Variants in UGT1A9 observed in about 807,000 individuals in gnomAD.
UGT1A9 encodes UDP-glucuronosyltransferase 1A9.
In UGT1A9, 35 loss-of-function variants were observed where a neutral mutation model predicts 45.0. The observed-to-expected ratio is 0.78, with a 90% CI of 0.59 to 1.03. UGT1A9 has a LOEUF of 1.03. Ranked by LOEUF, UGT1A9 falls within the 50% of genes least tolerant of loss-of-function variation. The pLI, the probability that UGT1A9 is intolerant of heterozygous loss-of-function variation, is 0.00. For missense variants in UGT1A9, 687 were observed against 666.6 expected (o/e 1.03, Z -0.34); for synonymous variants, 278 against 250.6 (o/e 1.11, Z -1.03).
chr2:233,714,370 A>C (rs778374945), intron 1 of UGT1A9, among the ~76,000 whole-genome samples: 6 of 152,228 alleles, frequency 3.9e-5, no homozygotes, highest in African/African-American at 9.6e-5. Context: ...AAGTTGACTC[A>C]GTTCAGTGGA....
intron 1 of UGT1A9, chr2:233,690,719 C>G: frequency 2.0e-5 from 24 of 1,214,918 alleles, no homozygotes; most frequent in Non-Finnish European, 2.5e-5. Context: ...TTATGACGAA[C>G]AGACATGCCA....
chr2:233,700,178 C>T (rs1315960228), intron 1 of UGT1A9, among the ~76,000 whole-genome samples: 1 of 152,190 alleles, frequency 6.6e-6, no homozygotes, highest in South Asian at 2.1e-4. Context: ...CTCATTCAGG[C>T]TGAAATCTCA....
chr2:233,686,882 T>A (rs1440121885), intron 1 of UGT1A9, among the ~76,000 whole-genome samples: 1 of 152,212 alleles, frequency 6.6e-6, no homozygotes, highest in Non-Finnish European at 1.5e-5. Context: ...TTTTTCTGCA[T>A]GATTCCTGCC....
intron 4 of UGT1A9, chr2:233,770,928 C>T (rs1253258024): frequency 6.6e-6 from 1 of 152,180 alleles, no homozygotes; most frequent in African/African-American, 2.4e-5. Context: ...GCTGACATCA[C>T]TTGGCTGCCG....
intron 1 of UGT1A9, chr2:233,760,350 C>T (rs1374994213): frequency 1.2e-6 from 2 of 1,613,944 alleles, no homozygotes; most frequent in African/African-American, 2.7e-5. Context: ...GTGTGCTGGG[C>T]CCAGTGGTGT....
intron 1 of UGT1A9, among the ~76,000 whole-genome samples, chr2:233,757,409 T>C (rs1456650401): frequency 6.6e-6 from 1 of 151,334 alleles, no homozygotes; most frequent in Non-Finnish European, 1.5e-5. Context: ...ATGCAGGGTC[T>C]AGAACGAAAA....
At chr2:233,755,114 G>A (rs761865052) in intron 1 of UGT1A9, 3 of 1,331,932 alleles carry the variant, frequency 2.3e-6, no homozygotes, top group South Asian at 2.3e-5. Context: ...ACACCTCGTA[G>A]GCCTCAGCCA....
At chr2:233,674,982 T>C (rs889252706) in intron 1 of UGT1A9, among the ~76,000 whole-genome samples, 2 of 152,226 alleles carry the variant, frequency 1.3e-5, no homozygotes, top group African/African-American at 4.8e-5. Context: ...GTCTGTGTCT[T>C]ATCTGTCTGA....
At chr2:233,760,266 C>T (rs778145749) in intron 1 of UGT1A9, 17 of 1,611,888 alleles carry the variant, frequency 1.1e-5, no homozygotes, top group Non-Finnish European at 1.4e-5. Context: ...GAGGGCGAAC[C>T]TCTGGCAGGA....
chr2:233,755,316 A>C, intron 1 of UGT1A9: 1 of 530,882 alleles, frequency 1.9e-6, no homozygotes, highest in Admixed American at 3.3e-5. Context: ...GCGAGCGGCA[A>C]GGCTGCCAGC....
chr2:233,740,221 TC>T (rs1691341111), intron 1 of UGT1A9, among the ~76,000 whole-genome samples: 1 of 151,864 alleles, frequency 6.6e-6, no homozygotes, highest in Non-Finnish European at 1.5e-5. Flanking sequence ...CTCAGCTGCG[TC>T]TTTATAGCAG....
At chr2:233,729,480 C>A in intron 1 of UGT1A9, 2 of 1,614,162 alleles carry the variant, frequency 1.2e-6, no homozygotes. Flanking sequence ...CAATGTTGAA[C>A]AATATGTCTT....
chr2:233,761,750 G>A (rs1428006312), intron 1 of UGT1A9, among the ~76,000 whole-genome samples: 1 of 152,244 alleles, frequency 6.6e-6, no homozygotes, highest in Non-Finnish European at 1.5e-5. Context: ...AGAGTTTGAA[G>A]TATGCAAAAA....
intron 1 of UGT1A9, among the ~76,000 whole-genome samples, chr2:233,746,138 G>C (rs1315448671): frequency 6.6e-6 from 1 of 151,886 alleles, no homozygotes; most frequent in African/African-American, 2.4e-5. Context: ...ACTGGCACCT[G>C]AGTGATAGCA....
At chr2:233,683,507 C>A (rs183620340) in intron 1 of UGT1A9, among the ~76,000 whole-genome samples, 95 of 152,102 alleles carry the variant, frequency 6.2e-4, no homozygotes, top group African/African-American at 2.2e-3. Flanking sequence ...AGGGTATCAT[C>A]CTATGAGTAT....
At chr2:233,705,822 G>A (rs1029113786) in intron 1 of UGT1A9, among the ~76,000 whole-genome samples, 1 of 152,156 alleles carries the variant, frequency 6.6e-6, no homozygotes, top group Admixed American at 6.6e-5. Context: ...ATTTCAGGCC[G>A]AGCACAGTGG....
chr2:233,718,828 G>C lies in UGT1A9; in HGVS notation c.855+46039G>C, dbSNP rs137930413. 3.0e-4 allele frequency: 479 copies of C among 1,613,554 alleles called. 1 individual carries two copies. Among genetic ancestry groups the C allele is most frequent in the Admixed American group, 4.7e-4 (28 of 60,022 alleles). ...TCGGTGGCTTCTGCTGAGATGGCCA[G>C]AGGACTCCAGGTTCCCCTGCCGCGG... On this transcript the variant is annotated intron_variant, in intron 1 of 4. Transcript: ENST00000354728.
chr2:233,724,246 C>T (rs1219453844), intron 1 of UGT1A9, among the ~76,000 whole-genome samples: 28 of 121,870 alleles, frequency 2.3e-4, no homozygotes, highest in African/African-American at 8.0e-4. Context: ...CGGGCAGAGG[C>T]GCCCCTCACC....
chr2:233,695,359 C>T (rs569384151), intron 1 of UGT1A9, among the ~76,000 whole-genome samples: 5 of 151,840 alleles, frequency 3.3e-5, no homozygotes, highest in Non-Finnish European at 5.9e-5. Context: ...CTCTTGACCT[C>T]GTGGTCCGCC....
Sources: allele counts gnomAD v4.1 joint callset (sites outside exome capture counted in the v4.1 genomes callset), GRCh38; gene constraint gnomAD v4.1.1; transcripts MANE v1.5; gene names NCBI Gene and HGNC (gene_info 2026-07-23, HGNC 2026-07-21).